Variants in TRPC6 observed in about 807,000 individuals in gnomAD.
TRPC6 encodes the protein short transient receptor potential channel 6.
A neutral mutation model predicts 90.7 loss-of-function variants in TRPC6; 55 were observed. The ratio of observed to expected loss-of-function variants is 0.61; its 90% CI spans 0.49 to 0.76. The LOEUF is 0.76. TRPC6 is among the 30% of genes least tolerant of loss of function. TRPC6 has a pLI of 0.00. For synonymous variants in TRPC6, 393 were observed against 393.0 expected, an observed-to-expected ratio of 1.00 and a Z score of 0.00; for missense variants, 989 against 1,122.7, an observed-to-expected ratio of 0.88 and a Z score of 1.70.
chr11:101,499,761 GTA>G (rs372490699), intron 2 of TRPC6, among the ~76,000 whole-genome samples: 24,644 of 25,130 alleles, frequency 0.98, 12,220 homozygotes, highest in Middle Eastern at 1. Flanking sequence ...TATATAATGT[GTA>G]TATATATATA....
intron 11 of TRPC6, among the ~76,000 whole-genome samples, chr11:101,453,995 C>T (rs1211302748): frequency 1.3e-5 from 2 of 152,040 alleles, no homozygotes; most frequent in East Asian, 3.9e-4. Flanking sequence ...ATGTCCATTG[C>T]TTGTATTTTA....
chr11:101,456,546 T>C (rs1446027632), intron 10 of TRPC6, among the ~76,000 whole-genome samples: 2 of 152,154 alleles, frequency 1.3e-5, no homozygotes, highest in Non-Finnish European at 2.9e-5. Context: ...TAACTCACCA[T>C]TGACATTTTG....
chr11:101,459,711 G>A (rs977112443), intron 10 of TRPC6, among the ~76,000 whole-genome samples: 1 of 151,904 alleles, frequency 6.6e-6, no homozygotes, highest in Non-Finnish European at 1.5e-5. Context: ...TCTCTTATCT[G>A]TCCAGTGACT....
At position 101,507,006 on chromosome 11, in the gene TRPC6, A is replaced by AACAC. The variant is rs10590147; in HGVS notation, c.171-2212_171-2209dup. Among the ~76,000 whole-genome samples, 1,180 of 131,150 alleles carry AACAC rather than the reference A, an allele frequency of 9.0e-3. 13 individuals carry two copies. The highest frequency in any genetic ancestry group is 0.018 in the African/African-American group (618 of 35,124). The allele number at this position is 131,150 out of a possible 152,430, so 86.0% of individuals were successfully genotyped here. On this transcript the variant is annotated intron_variant, in intron 1 of 12. Coordinates refer to ENST00000344327, the MANE Select transcript of TRPC6 (RefSeq NM_004621.6). Reference sequence around the variant, plus strand: ...CCTTCACGTATCTCTCTCTCTCTCTAACACACACACACACACACACACACA... The same window carrying AACAC: ...CCTTCACGTATCTCTCTCTCTCTCTAACACACACACACACACACACACACACACA...
At chr11:101,472,723 T>A (rs765659618) in intron 7 of TRPC6, among the ~76,000 whole-genome samples, 9 of 152,218 alleles carry the variant, frequency 5.9e-5, no homozygotes, top group Non-Finnish European at 8.8e-5. Context: ...TACATCTTAA[T>A]GGAAAATACA....
intron 5 of TRPC6, among the ~76,000 whole-genome samples, chr11:101,477,819 T>C (rs1193117259): frequency 6.6e-6 from 1 of 152,246 alleles, no homozygotes; most frequent in Non-Finnish European, 1.5e-5. Flanking sequence ...TAACATTTAT[T>C]GAGTGCTTAC....
chr11:101,481,780 A>C (rs756183525), intron 5 of TRPC6, among the ~76,000 whole-genome samples: 6 of 152,128 alleles, frequency 3.9e-5, no homozygotes, highest in Non-Finnish European at 5.9e-5. Context: ...TCTCACAACC[A>C]CTGTGACCTT....
intron 1 of TRPC6, among the ~76,000 whole-genome samples, chr11:101,518,166 C>T (rs1352440182): frequency 6.6e-6 from 1 of 152,118 alleles, no homozygotes; most frequent in Non-Finnish European, 1.5e-5. Flanking sequence ...AGAAAAGCAT[C>T]ATTTGCCCTC....
intron 1 of TRPC6, among the ~76,000 whole-genome samples, chr11:101,552,573 GGTTT>G (rs759439804): frequency 6.6e-6 from 1 of 151,948 alleles, no homozygotes; most frequent in Non-Finnish European, 1.5e-5. Flanking sequence ...CTTCTGTTTA[GGTTT>G]GTTTATTTGT....
chr11:101,512,295 T>C (rs932774590), intron 1 of TRPC6, among the ~76,000 whole-genome samples: 1 of 152,214 alleles, frequency 6.6e-6, no homozygotes, highest in Non-Finnish European at 1.5e-5. Context: ...GAGCTACTTG[T>C]CACTTTCAGT....
intron 4 of TRPC6, among the ~76,000 whole-genome samples, chr11:101,484,278 C>A (rs898808743): frequency 6.6e-6 from 1 of 152,152 alleles, no homozygotes; most frequent in African/African-American, 2.4e-5. Flanking sequence ...AGTGGTAGAG[C>A]TGGAACTTGA....
chr11:101,526,153 T>C (rs1384127420), intron 1 of TRPC6, among the ~76,000 whole-genome samples: 1 of 152,190 alleles, frequency 6.6e-6, no homozygotes, highest in Non-Finnish European at 1.5e-5. Context: ...AGGGTATAAA[T>C]ATGAATCTCT....
chr11:101,470,867 G>T (rs1316933809), intron 9 of TRPC6, among the ~76,000 whole-genome samples: 1 of 136,294 alleles, frequency 7.3e-6, no homozygotes, highest in Non-Finnish European at 1.5e-5. Context: ...TGTATAAATT[G>T]TAGGAAAAGT....
chr11:101,472,042 A>G, intron 8 of TRPC6, 95 bp downstream of exon 8: 1 of 1,273,056 alleles, frequency 7.9e-7, no homozygotes, highest in Non-Finnish European at 1.1e-6. Context: ...ACAAAGGGCG[A>G]AGAGCAGTCC....
chr11:101,521,393 G>T (rs1860657093), intron 1 of TRPC6, among the ~76,000 whole-genome samples: 1 of 152,232 alleles, frequency 6.6e-6, no homozygotes, highest in Non-Finnish European at 1.5e-5. Flanking sequence ...GTGCACAGAG[G>T]CAAGAGTTGA....
intron 1 of TRPC6, among the ~76,000 whole-genome samples, chr11:101,568,560 G>A (rs560262730): frequency 1.6e-4 from 24 of 152,190 alleles, no homozygotes; most frequent in South Asian, 8.3e-4. Context: ...ACACATAATC[G>A]TCAGATTCAC....
At chr11:101,543,358 T>C (rs1256093280) in intron 1 of TRPC6, among the ~76,000 whole-genome samples, 1 of 151,984 alleles carries the variant, frequency 6.6e-6, no homozygotes, top group South Asian at 2.1e-4. Context: ...CCAAGACAAA[T>C]TGGAAAAAAC....
At chr11:101,491,810 GGATTT>G in intron 2 of TRPC6, 72 bp from the exon 3 acceptor site, 1 of 1,152,972 alleles carries the variant, frequency 8.7e-7, no homozygotes. Flanking sequence ...GAGACTTGAA[GGATTT>G]TATACTTTAA....
intron 1 of TRPC6, among the ~76,000 whole-genome samples, chr11:101,532,225 C>T (rs1286348516): frequency 1.3e-5 from 2 of 152,102 alleles, no homozygotes; most frequent in African/African-American, 4.8e-5. Context: ...TATATAAGTG[C>T]AAAAATCCAA....
Sources: gnomAD v4.1 joint callset for allele counts (sites outside exome capture counted in the v4.1 genomes callset) on GRCh38, gnomAD v4.1.1 for gene constraint, MANE v1.5 for transcripts, NCBI Gene and HGNC (gene_info 2026-07-23, HGNC 2026-07-21) for gene names.